The following MCM2 variants were observed in gnomAD, a reference collection of about 807,000 sequenced individuals.
MCM2 encodes DNA replication licensing factor MCM2.
Under a neutral mutation model 86.4 loss-of-function variants are expected in MCM2, and 49 were observed. That is an observed-to-expected ratio of 0.57 (90% CI 0.45 to 0.72). The LOEUF is 0.72. Ranked by LOEUF, MCM2 falls within the 30% of genes least tolerant of loss-of-function variation. MCM2 has a pLI of 0.00. For missense variants in MCM2, 1,038 were observed against 1,259.9 expected, an observed-to-expected ratio of 0.82 and a Z score of 2.67; for synonymous variants, 475 against 484.6, an observed-to-expected ratio of 0.98 and a Z score of 0.26.
chr3:127,619,008 C>T lies in MCM2; in HGVS notation c.2014-19C>T, dbSNP rs754505719. The T allele has an allele frequency of 4.5e-6, 7 of 1,563,464 alleles. No homozygotes were observed. The Admixed American group carries it at 1.1e-4, about 24-fold the overall frequency. On this transcript the variant is annotated intron_variant, in intron 12 of 15. Transcript: ENST00000265056. ...ACGCACACCCACAATCAGACCCACC[C>T]TCTCATGGCTTATCTTAGGACGAGA...
At position 127,606,819 on chromosome 3, in the gene MCM2, T is replaced by C. The variant is rs1342667713; in HGVS notation, c.1101+2T>C. 6.2e-7 allele frequency: 1 copy of C among 1,613,662 alleles called. No homozygotes were observed. The highest frequency in any genetic ancestry group is 1.3e-5 in the African/African-American group (1 of 74,798). On this transcript the variant is annotated splice_donor_variant, in intron 6 of 15. Transcript: ENST00000265056. LOFTEE classifies it high-confidence loss of function. This position sits in a 1 kb window ranked among gnomAD's most constrained non-coding sequence, Gnocchi z 4.2. ...CCCTTTGAGGTCAACATGGAGGAGG[T>C]GAGAGAGGACACAAGGTCTGCTGCC...
At chr3:127,598,785 C>T (rs2074278425) in intron 1 of MCM2, 1 of 467,280 alleles carries the variant, frequency 2.1e-6, no homozygotes, top group Non-Finnish European at 3.8e-6. Flanking sequence ...TCACTACACT[C>T]CTTTAAACTT....
Position 127,620,829 on chromosome 3 carries a change from G to A in MCM2, c.2397G>A (p.Leu799=). ...TCAACATGGCCATCCGCGTGATGCTGGAGAGCTTCATAGACACACAGAAGT... is the reference window on the plus strand; with the variant it reads ...TCAACATGGCCATCCGCGTGATGCTAGAGAGCTTCATAGACACACAGAAGT... The part of the protein sequence containing the change: ...DDVNMAIRVM[L]ESFIDTQKFS... The change falls in exon 14 of 16, where the codon CTG becomes CTA. Residue 799 remains leucine (L), a synonymous_variant. Transcript: ENST00000265056. 1 of 1,613,802 alleles carries A rather than the reference G, an allele frequency of 6.2e-7. No individual in the cohort carries two copies. The highest frequency in any genetic ancestry group is 1.7e-5 in the Admixed American group (1 of 59,994).
At position 127,606,565 on chromosome 3, in the gene MCM2, C is replaced by T. The variant is rs759740143; in HGVS notation, c.894-45C>T. The T allele has an allele frequency of 2.6e-6, 4 of 1,551,954 alleles. No individual in the cohort carries two copies. Among genetic ancestry groups the T allele is most frequent in the Non-Finnish European group, 3.6e-6 (4 of 1,124,862 alleles). ...TGGGACACTCTCGTCTGCAGCCTGG[C>T]CTCACCCTGGCTCACGGCTTCTGAT... On this transcript the variant is annotated intron_variant, in intron 5 of 15. Transcript: ENST00000265056. The surrounding 1 kb of genome is among the most constrained non-coding windows in gnomAD (Gnocchi z 4.2).
Position 127,618,291 on chromosome 3 carries a change from C to T in MCM2, c.2013+210C>T, listed in dbSNP as rs1282555413. Reference sequence around the variant, plus strand: ...CACCCCCGACCCCCACCCTACATAACCCACAATCCACCAAATCCTGTTGTC... The same window carrying T: ...CACCCCCGACCCCCACCCTACATAATCCACAATCCACCAAATCCTGTTGTC... On this transcript the variant is annotated intron_variant, in intron 12 of 15. Coordinates refer to ENST00000265056, the MANE Select transcript of MCM2 (RefSeq NM_004526.4). This position sits in a 1 kb window ranked among gnomAD's most constrained non-coding sequence, Gnocchi z 4.0. Among the ~76,000 whole-genome samples the T allele has an allele frequency of 1.3e-5, 2 of 152,030 alleles. No individual in the cohort carries two copies. Among genetic ancestry groups the T allele is most frequent in the African/African-American group, 4.8e-5 (2 of 41,362 alleles).
In MCM2 at chr3:127,620,869, A is replaced by G. The variant is rs1430095286; in HGVS notation, c.2437A>G (p.Ser813Gly). The G allele has an allele frequency of 6.2e-7, 1 of 1,606,378 alleles. No homozygotes were observed. Among genetic ancestry groups the G allele is most frequent in the Admixed American group, 1.7e-5 (1 of 59,500 alleles). The change falls in exon 14 of 16, where the codon AGC becomes GGC. Residue 813 changes from serine to glycine, a missense_variant. Around this residue, in one of 4 missense-constraint regions of MCM2, gnomAD observed 336 missense variants for 425.7 expected, o/e 0.79. Transcript: ENST00000265056. ...IDTQKFSVMR[S>G]MRKTFARYLS... ...CACACAGAAGTTCAGCGTCATGCGC[A>G]GCATGCGCAAGGTGGGTGTGCTCCG...
At chr3:127,604,122 C>T (rs1359397980) in intron 2 of MCM2, 1 of 162,116 alleles carries the variant, frequency 6.2e-6, no homozygotes, top group Non-Finnish European at 1.4e-5. Flanking sequence ...GGTTCAGTGG[C>T]ATTAAGTACA....
chr3:127,620,603 GTCT>G (rs972940498), intron 13 of MCM2, 92 bp from the exon 14 acceptor site: 19 of 1,313,598 alleles, frequency 1.4e-5, no homozygotes, highest in Admixed American at 1.4e-4. Context: ...TGTCAGATGG[GTCT>G]TCTTGGCTCT....
At chr3:127,604,573 TG>T in intron 2 of MCM2, 34 bp from the exon 3 acceptor site, 1 of 1,598,184 alleles carries the variant, frequency 6.3e-7, no homozygotes. Flanking sequence ...TTTTCCTTTT[TG>T]GCAGTAACCA....
At position 127,618,611 on chromosome 3, in the gene MCM2, T is replaced by C. The variant is rs1360477434; in HGVS notation, c.2014-416T>C. ...AAAAGGGCCGAGCCTTGGGGCTTGA[T>C]TGTGCTCCTTGCTCCTGGCAGACGC... is the stretch of plus-strand genomic sequence containing the variant. On this transcript the variant is annotated intron_variant, in intron 12 of 15. Transcript: ENST00000265056. The surrounding 1 kb of genome is among the most constrained non-coding windows in gnomAD (Gnocchi z 4.0). Among the ~76,000 whole-genome samples the C allele has an allele frequency of 6.6e-6, 1 of 152,076 alleles. No homozygotes were observed. The highest frequency in any genetic ancestry group is 2.4e-5 in the African/African-American group (1 of 41,412).
At position 127,605,894 on chromosome 3, in the gene MCM2, C is replaced by T. The variant is rs17496937; in HGVS notation, c.674-224C>T. 5.3e-3 allele frequency among the ~76,000 whole-genome samples: 808 copies of T among 152,316 alleles called. 7 individuals are homozygous for T. The highest frequency in any genetic ancestry group is 0.018 in the African/African-American group (768 of 41,560). ...TCTGCTCATATTTAATTTAACCCCC[C>T]AGCAACTTTGTACACTGTGTGACAT... On this transcript the variant is annotated intron_variant, in intron 4 of 15. Transcript: ENST00000265056.
chr3:127,615,940 G>A lies in MCM2; in HGVS notation c.1507G>A (p.Glu503Lys). ...RGLALALFGG[E>K]PKNPGGKHKV... ...CCTGGCTCTGGCCCTGTTCGGAGGGGAGCCCAAAAACCCAGGTGAGCACCC... is the reference window on the plus strand; with the variant it reads ...CCTGGCTCTGGCCCTGTTCGGAGGGAAGCCCAAAAACCCAGGTGAGCACCC... Residue 503 changes from glutamate to lysine, a missense_variant, in exon 9 of 16, where the codon GAG (glutamate) becomes AAG (lysine). This residue lies in a region of MCM2 where 399 missense variants were observed against 507.2 expected (regional missense o/e 0.79). Coordinates refer to ENST00000265056, the MANE Select transcript of MCM2 (RefSeq NM_004526.4). 1 of 1,614,180 alleles carries A rather than the reference G, an allele frequency of 6.2e-7. No homozygotes were observed. The highest frequency in any genetic ancestry group is 8.5e-7 in the Non-Finnish European group (1 of 1,180,018).
chr3:127,619,480 C>T (rs2074459874), intron 13 of MCM2, among the ~76,000 whole-genome samples: 1 of 152,012 alleles, frequency 6.6e-6, no homozygotes, highest in Non-Finnish European at 1.5e-5. Flanking sequence ...AGGAGGATCA[C>T]GATGTCAGGA....
Position 127,615,854 on chromosome 3 carries a change from T to G in MCM2, c.1429-8T>G. 1 of 1,607,840 alleles carries G rather than the reference T, an allele frequency of 6.2e-7. No homozygotes were observed. Among genetic ancestry groups the G allele is most frequent in the Non-Finnish European group, 8.5e-7 (1 of 1,174,378 alleles). ...TCCCATTCTTGTCGGTCTCCCTCCC[T>G]TTCTCAGATCTTTGCCAGCATTGCT... On this transcript the variant is annotated splice_polypyrimidine_tract_variant and splice_region_variant and intron_variant, in intron 8 of 15. Transcript: ENST00000265056.
At chr3:127,604,379 A>C in intron 2 of MCM2, 1 of 504,760 alleles carries the variant, frequency 2.0e-6, no homozygotes, top group South Asian at 3.4e-5. Flanking sequence ...AGCACGTGGC[A>C]GAATTTCCTT....
In MCM2 at chr3:127,599,301, C is replaced by T. The variant is rs763631111; in HGVS notation, c.7-17C>T. On this transcript the variant is annotated splice_polypyrimidine_tract_variant and intron_variant, in intron 1 of 15. Transcript: ENST00000265056. ...ACCAGCTTCCTAGGTTTCTGACAAC[C>T]GCACCTTCTCTTGCAGGAATCATCG... 3 of 1,611,510 alleles carry T rather than the reference C, an allele frequency of 1.9e-6. No individual in the cohort carries two copies. The highest frequency in any genetic ancestry group is 1.7e-6 in the Non-Finnish European group (2 of 1,177,752).
chr3:127,605,667 C>T (rs1045888068), intron 4 of MCM2, among the ~76,000 whole-genome samples: 4 of 151,752 alleles, frequency 2.6e-5, no homozygotes, highest in Admixed American at 2.0e-4. Flanking sequence ...CTCAAACTCC[C>T]GACCTCAGGT....
rs575627406 is a variant in MCM2, at chr3:127,620,733, C to T, written c.2301C>T (p.Ile767=). The T allele has an allele frequency of 6.8e-5, 109 of 1,610,412 alleles. 2 individuals carry two copies. In the South Asian group the frequency reaches 1.0e-3, roughly 15 times the overall value. The change falls in exon 14 of 16, where the codon ATC becomes ATT. Residue 767 remains isoleucine, a synonymous_variant. Coordinates refer to ENST00000265056, the MANE Select transcript of MCM2 (RefSeq NM_004526.4). ...GCATCCCCATTACGGTGCGGCACAT[C>T]GAGTCCATGATCCGCATGGCGGAGG... ...TGSIPITVRH[I]ESMIRMAEAH...
intron 13 of MCM2, among the ~76,000 whole-genome samples, chr3:127,619,906 C>T (rs1434157598): frequency 2.6e-5 from 4 of 152,234 alleles, no homozygotes; most frequent in African/African-American, 7.2e-5. Context: ...TCTACTTGAG[C>T]CCAGGAGTTC....
Sources: allele counts gnomAD v4.1 joint callset (sites outside exome capture counted in the v4.1 genomes callset), GRCh38; gene constraint gnomAD v4.1.1; regional missense constraint gnomAD v4.1.1; non-coding constraint Gnocchi (gnomAD v3.1); transcripts MANE v1.5; gene names NCBI Gene and HGNC (gene_info 2026-07-23, HGNC 2026-07-21).